RMDN1: variants seen among roughly 807,000 people sequenced by gnomAD.
RMDN1 encodes regulator of microtubule dynamics protein 1.
RMDN1 carries 48 observed loss-of-function variants against 48.9 expected under a neutral mutation model. The ratio of observed to expected loss-of-function variants is 0.98; its 90% CI spans 0.78 to 1.25. RMDN1 has a LOEUF of 1.25. Among genes scored for constraint, RMDN1 ranks in the 50% most tolerant of loss-of-function variants. The pLI is 0.00. For synonymous variants in RMDN1, 148 were observed against 132.6 expected (o/e 1.12, Z -0.80); for missense variants, 418 against 373.4 (o/e 1.12, Z -0.98).
At chr8:86,470,518 G>C, downstream of RMDN1, 1 of 937,932 alleles carries the variant, frequency 1.1e-6, no homozygotes, top group South Asian at 1.7e-5. Flanking sequence ...GAAAAATGAA[G>C]ATAAAAGGAC....
At chr8:86,485,124 T>C (rs112329280) in intron 4 of RMDN1, among the ~76,000 whole-genome samples, 163 bp from the exon 5 acceptor site, 2 of 152,204 alleles carry the variant, frequency 1.3e-5, no homozygotes, top group Non-Finnish European at 1.5e-5. Context: ...GAAGTGGACA[T>C]GGCCCTCTAG....
In RMDN1 at chr8:86,472,361, A is replaced by T; in HGVS notation, c.*1947T>A. On this transcript the variant is annotated 3_prime_UTR_variant, in exon 10 of 10. Coordinates refer to ENST00000406452, the MANE Select transcript of RMDN1 (RefSeq NM_016033.3). Reference sequence around the variant, plus strand: ...GTCACAGTCAAAATGCAGGTGCACAACACAGTTTATTCGGTCTCCCTAAAG... The same window carrying T: ...GTCACAGTCAAAATGCAGGTGCACATCACAGTTTATTCGGTCTCCCTAAAG... 1.4e-6 allele frequency: 1 copy of T among 699,120 alleles called. No individual in the cohort carries two copies. The allele number at this position is 699,120 out of a possible 1,614,324, so 43.3% of individuals were successfully genotyped here. A position where few individuals can be genotyped will look rare whatever the true frequency, so the allele number is the denominator to read the frequency against.
At chr8:86,504,921 A>T in intron 2 of RMDN1, 2 of 1,195,542 alleles carry the variant, frequency 1.7e-6, no homozygotes, top group East Asian at 4.7e-5. Context: ...TACCTTCTTC[A>T]AAGTCCCTGA....
Position 86,473,671 on chromosome 8 carries a change from C to CAGG in RMDN1, c.*634_*636dup, listed in dbSNP as rs1554579896. ...ATCCCAGCCACTCAGGAGGCTAAGG[C>CAGG]AGGAGAATCACTTGAACCCGGGAGG... On this transcript the variant is annotated 3_prime_UTR_variant, in exon 10 of 10. Coordinates refer to ENST00000406452, the MANE Select transcript of RMDN1 (RefSeq NM_016033.3). 1.1e-5 allele frequency: 4 copies of CAGG among 378,818 alleles called. No individual in the cohort carries two copies. Among genetic ancestry groups the CAGG allele is most frequent in the African/African-American group, 8.8e-5 (4 of 45,514 alleles). The allele number at this position is 378,818 out of a possible 1,614,324, so 23.5% of individuals were successfully genotyped here. A position where few individuals can be genotyped will look rare whatever the true frequency, so the allele number is the denominator to read the frequency against.
At chr8:86,490,528 G>A (rs1816310234) in intron 2 of RMDN1, among the ~76,000 whole-genome samples, 1 of 152,038 alleles carries the variant, frequency 6.6e-6, no homozygotes, top group Admixed American at 6.6e-5. Context: ...AGCAAAGAAA[G>A]GGAATATTCC....
intron 2 of RMDN1, among the ~76,000 whole-genome samples, chr8:86,491,604 A>T (rs1469427957): frequency 6.6e-6 from 1 of 152,226 alleles, no homozygotes; most frequent in Admixed American, 6.5e-5. Flanking sequence ...CATATTCTAT[A>T]AAACAGACTA....
At chr8:86,494,035 C>T (rs1438132788) in intron 2 of RMDN1, among the ~76,000 whole-genome samples, 1 of 152,058 alleles carries the variant, frequency 6.6e-6, no homozygotes, top group Non-Finnish European at 1.5e-5. Context: ...ATGGCGGTTA[C>T]CAGAGGCTGG....
At chr8:86,491,774 T>A (rs1816544922) in intron 2 of RMDN1, among the ~76,000 whole-genome samples, 1 of 152,230 alleles carries the variant, frequency 6.6e-6, no homozygotes, top group South Asian at 2.1e-4. Flanking sequence ...ATGCCAATGA[T>A]GTGACCTCCT....
intron 2 of RMDN1, among the ~76,000 whole-genome samples, chr8:86,497,103 A>T (rs1258310298): frequency 6.6e-6 from 1 of 152,214 alleles, no homozygotes; most frequent in Admixed American, 6.5e-5. Context: ...GAAAACAAAG[A>T]TTTACCATCC....
intron 2 of RMDN1, among the ~76,000 whole-genome samples, chr8:86,495,443 G>C (rs188445726): frequency 1.3e-4 from 20 of 152,056 alleles, no homozygotes; most frequent in Non-Finnish European, 2.1e-4. Context: ...TTTAGCATGG[G>C]AACAGCTACA....
intron 2 of RMDN1, chr8:86,504,590 T>G (rs765353021): frequency 1.6e-5 from 17 of 1,039,990 alleles, no homozygotes; most frequent in Non-Finnish European, 2.4e-5. Context: ...ACCCTGCATA[T>G]GATAGGCCTT....
At chr8:86,508,813 C>T, upstream of RMDN1, 1 of 1,297,748 alleles carries the variant, frequency 7.7e-7, no homozygotes, top group African/African-American at 1.5e-5. Flanking sequence ...GGGAAATACC[C>T]CGATTGGGTG....
intron 6 of RMDN1, among the ~76,000 whole-genome samples, chr8:86,479,277 A>G (rs1276038932): frequency 6.6e-6 from 1 of 152,196 alleles, no homozygotes; most frequent in African/African-American, 2.4e-5. Context: ...TGTGCCAGGT[A>G]GTGGGTTGAT....
At chr8:86,476,381 G>T (rs1813383315) in intron 8 of RMDN1, among the ~76,000 whole-genome samples, 1 of 152,174 alleles carries the variant, frequency 6.6e-6, no homozygotes, top group African/African-American at 2.4e-5. Context: ...CTGTTATCAT[G>T]AAATGAACAA....
chr8:86,504,802 A>G, intron 2 of RMDN1: 1 of 1,057,570 alleles, frequency 9.5e-7, no homozygotes. Flanking sequence ...GGCTGCTCCA[A>G]CTATACCTCC....
chr8:86,500,850 T>C (rs976824069), intron 2 of RMDN1, among the ~76,000 whole-genome samples: 2 of 152,122 alleles, frequency 1.3e-5, no homozygotes, highest in African/African-American at 4.8e-5. Context: ...CACCATGGAA[T>C]ACTATAAAGC....
chr8:86,505,299 C>T (rs571017350), intron 2 of RMDN1: 1 of 480,672 alleles, frequency 2.1e-6, no homozygotes, highest in African/African-American at 2.0e-5. Context: ...AGTGAACCTA[C>T]CTTCATTTCA....
At chr8:86,500,740 T>A (rs528230729) in intron 2 of RMDN1, among the ~76,000 whole-genome samples, 1 of 152,232 alleles carries the variant, frequency 6.6e-6, no homozygotes, top group South Asian at 2.1e-4. Flanking sequence ...GACACACACG[T>A]CCTTAAGTTC....
Position 86,508,608 on chromosome 8 carries a change from C to G in RMDN1, c.13G>C (p.Ala5Pro), listed in dbSNP as rs1420610130. The change falls in exon 1 of 10, where the codon GCT becomes CCT. Residue 5 changes from alanine to proline, a missense_variant. Coordinates refer to ENST00000406452, the MANE Select transcript of RMDN1 (RefSeq NM_016033.3). MALA[A>P]RLWRLLPFRR... ...AAAGGCAGAAGGCGCCACAGTCGAG[C>G]AGCCAGCGCCATGACCTGCAACTTG... 1 of 1,602,602 alleles carries G rather than the reference C, an allele frequency of 6.2e-7. No homozygotes were observed. The highest frequency in any genetic ancestry group is 1.7e-5 in the Admixed American group (1 of 59,404).
Sources: allele counts gnomAD v4.1 joint callset (sites outside exome capture counted in the v4.1 genomes callset), GRCh38; gene constraint gnomAD v4.1.1; transcripts MANE v1.5; gene names NCBI Gene and HGNC (gene_info 2026-07-23, HGNC 2026-07-21).